The following LPP variants were observed in gnomAD, a reference collection of about 807,000 sequenced individuals.
LPP encodes LIM domain containing preferred translocation partner in lipoma.
A neutral mutation model predicts 60.4 loss-of-function variants in LPP; 38 were observed. That is an observed-to-expected ratio of 0.63 (90% CI 0.49 to 0.83). LPP has a LOEUF of 0.83. Ranked by LOEUF, LPP falls within the 40% of genes least tolerant of loss-of-function variation. The pLI, the probability that LPP is intolerant of heterozygous loss-of-function variation, is 0.00. For synonymous variants in LPP, 328 were observed against 290.8 expected (o/e 1.13, Z -1.30); for missense variants, 902 against 783.6 (o/e 1.15, Z -1.80).
chr3:188,424,739 T>C (rs1391508391), intron 4 of LPP, among the ~76,000 whole-genome samples: 1 of 152,214 alleles, frequency 6.6e-6, no homozygotes, highest in Non-Finnish European at 1.5e-5. Flanking sequence ...TCACTCATGA[T>C]TCAGCTCTCT....
At chr3:188,488,347 T>A (rs981530873) in intron 5 of LPP, among the ~76,000 whole-genome samples, 6 of 152,080 alleles carry the variant, frequency 3.9e-5, no homozygotes, top group Admixed American at 3.9e-4. Context: ...TTAAGGATTC[T>A]TGGTTTAACA....
chr3:188,531,487 T>G (rs1163179796), intron 6 of LPP, among the ~76,000 whole-genome samples: 1 of 152,182 alleles, frequency 6.6e-6, no homozygotes, highest in Non-Finnish European at 1.5e-5. Context: ...AAGCAATGAT[T>G]TGAAGCTTGG....
At chr3:188,639,168 A>T (rs568053033) in intron 7 of LPP, among the ~76,000 whole-genome samples, 1 of 152,230 alleles carries the variant, frequency 6.6e-6, no homozygotes, top group African/African-American at 2.4e-5. Context: ...CAAAACAGTG[A>T]TATAGATCAA....
intron 6 of LPP, among the ~76,000 whole-genome samples, chr3:188,579,796 CAA>C (rs1272538669): frequency 8.2e-6 from 1 of 122,422 alleles, no homozygotes; most frequent in Admixed American, 1.1e-4. Flanking sequence ...CCTGTCTCTA[CAA>C]AAAGTTTTTT....
chr3:188,371,934 A>T (rs1278511548), intron 3 of LPP, among the ~76,000 whole-genome samples: 1 of 151,036 alleles, frequency 6.6e-6, no homozygotes, highest in African/African-American at 2.4e-5. Flanking sequence ...CTGGGATTAC[A>T]GACGTGAGCC....
At chr3:188,354,411 G>A (rs1766886907) in intron 3 of LPP, among the ~76,000 whole-genome samples, 1 of 151,942 alleles carries the variant, frequency 6.6e-6, no homozygotes, top group Non-Finnish European at 1.5e-5. Context: ...GATGCATGTG[G>A]GCCTATTTCT....
intron 9 of LPP, among the ~76,000 whole-genome samples, chr3:188,810,807 G>A (rs3846187): frequency 0.12 from 18,295 of 152,064 alleles, 1,577 homozygotes; most frequent in Non-Finnish European, 0.18. Context: ...TATTGTATGG[G>A]TGGGAGTGGT....
intron 4 of LPP, among the ~76,000 whole-genome samples, chr3:188,470,884 A>G (rs1008851400): frequency 3.4e-4 from 52 of 152,194 alleles, no homozygotes; most frequent in African/African-American, 1.2e-3. Flanking sequence ...TATTAGTCTC[A>G]AAGGATACAT....
intron 9 of LPP, among the ~76,000 whole-genome samples, chr3:188,856,716 C>G (rs914684052): frequency 6.6e-6 from 1 of 152,284 alleles, no homozygotes; most frequent in Admixed American, 6.5e-5. Context: ...TGGAAATTCA[C>G]TGCCTCAATG....
intron 2 of LPP, among the ~76,000 whole-genome samples, chr3:188,300,202 A>T (rs546857183): frequency 1.6e-3 from 235 of 150,776 alleles, no homozygotes; most frequent in African/African-American, 5.4e-3. Context: ...GTGTGTGTTT[A>T]TTTTTTTTCT....
intron 2 of LPP, among the ~76,000 whole-genome samples, chr3:188,271,763 G>A (rs1041368361): frequency 6.6e-6 from 1 of 152,134 alleles, no homozygotes; most frequent in Non-Finnish European, 1.5e-5. Context: ...AAAGGATGAC[G>A]TTAGTTTCTC....
chr3:188,204,406 T>C (rs2149133550), intron 1 of LPP, among the ~76,000 whole-genome samples: 1 of 152,226 alleles, frequency 6.6e-6, no homozygotes, highest in East Asian at 1.9e-4. Context: ...GCCGGGAATC[T>C]TGGCAGTAAC....
chr3:188,354,757 A>T (rs1410514329), intron 3 of LPP, among the ~76,000 whole-genome samples: 3 of 152,202 alleles, frequency 2.0e-5, no homozygotes, highest in Non-Finnish European at 4.4e-5. Flanking sequence ...ATTCAGTTGA[A>T]TCAGTTTACA....
At chr3:188,538,720 CT>C (rs1824330576) in intron 6 of LPP, among the ~76,000 whole-genome samples, 1 of 152,120 alleles carries the variant, frequency 6.6e-6, no homozygotes, top group African/African-American at 2.4e-5. Flanking sequence ...ACACAAAGAC[CT>C]GTATAGAGAT....
intron 6 of LPP, chr3:188,584,454 G>C (rs1836950068): frequency 6.6e-6 from 1 of 151,996 alleles, no homozygotes; most frequent in South Asian, 2.1e-4. Flanking sequence ...ATAAGAGAAA[G>C]AATTAAATGA....
intron 5 of LPP, among the ~76,000 whole-genome samples, chr3:188,501,150 GT>G (rs1426235229): frequency 2.0e-5 from 3 of 151,654 alleles, no homozygotes; most frequent in African/African-American, 7.3e-5. Flanking sequence ...TAGGTTGTTG[GT>G]TTGACGTCTT....
intron 1 of LPP, among the ~76,000 whole-genome samples, chr3:188,181,762 C>T (rs1219327120): frequency 1.3e-5 from 2 of 152,146 alleles, no homozygotes; most frequent in Admixed American, 1.3e-4. Flanking sequence ...CTCTCTGTTG[C>T]TCAGGCTGGA....
At chr3:188,706,911 T>C (rs1865587576) in intron 7 of LPP, among the ~76,000 whole-genome samples, 1 of 152,226 alleles carries the variant, frequency 6.6e-6, no homozygotes, top group Admixed American at 6.5e-5. Context: ...AGCATTTCTG[T>C]TTTTATCACA....
intron 7 of LPP, among the ~76,000 whole-genome samples, chr3:188,645,277 AGAAATAAGGAAGGGTTG>A (rs146040277): frequency 0.015 from 2,355 of 152,040 alleles, 52 homozygotes; most frequent in African/African-American, 0.054. Context: ...ATGGAAGGAA[AGAAATAAGGAAGGGTTG>A]GAGAGAGAGA....
Sources: gnomAD v4.1 joint callset for allele counts (sites outside exome capture counted in the v4.1 genomes callset) on GRCh38, gnomAD v4.1.1 for gene constraint, MANE v1.5 for transcripts, NCBI Gene and HGNC (gene_info 2026-07-23, HGNC 2026-07-21) for gene names.